SPNS2: variants seen among roughly 807,000 people sequenced by gnomAD.
The protein encoded by SPNS2 is SPNS lysolipid transporter 2, sphingosine-1-phosphate.
Under a neutral mutation model 57.6 loss-of-function variants are expected in SPNS2, and 37 were observed. The ratio of observed to expected loss-of-function variants is 0.64; its 90% CI spans 0.49 to 0.85. The LOEUF (loss-of-function observed/expected upper bound fraction) is 0.85, where lower values mean the gene tolerates loss of function less well. Ranked by LOEUF, SPNS2 falls within the 40% of genes least tolerant of loss-of-function variation. The pLI is 0.00. For synonymous variants in SPNS2, 440 were observed against 346.9 expected, an observed-to-expected ratio of 1.27 and a Z score of -2.98; for missense variants, 831 against 779.1, an observed-to-expected ratio of 1.07 and a Z score of -0.79.
intron 9 of SPNS2, among the ~76,000 whole-genome samples, chr17:4,534,826 G>A (rs1157709335): frequency 7.2e-5 from 11 of 152,144 alleles, no homozygotes; most frequent in African/African-American, 1.4e-4. Flanking sequence ...GGAGGAGTCC[G>A]TGCAGATTAA....
At chr17:4,529,234 C>T (rs975502339) in intron 3 of SPNS2, among the ~76,000 whole-genome samples, 7 of 151,774 alleles carry the variant, frequency 4.6e-5, no homozygotes, top group East Asian at 3.9e-4. Context: ...GCGCCTGGCC[C>T]GATTTTTATC....
At chr17:4,537,029 C>T (rs1325777081) in intron 12 of SPNS2, 83 bp downstream of exon 12, 2 of 1,452,520 alleles carry the variant, frequency 1.4e-6, no homozygotes, top group Non-Finnish European at 1.9e-6. Flanking sequence ...ACTTTTCCTC[C>T]AGAGTCACCT....
chr17:4,536,248 C>T lies in SPNS2; in HGVS notation c.1444-15C>T, dbSNP rs780988957. ...GGAGGGCTCTGCCCTGACATCCACC[C>T]CCAAATCCTCGCAGATCTCAGACCT... On this transcript the variant is annotated splice_polypyrimidine_tract_variant and intron_variant, in intron 10 of 12. Transcript: ENST00000329078. 10 of 1,610,776 alleles carry T rather than the reference C, an allele frequency of 6.2e-6. No homozygotes were observed. In the South Asian group the frequency reaches 6.6e-5, roughly 11 times the overall value.
At position 4,537,456 on chromosome 17, in the gene SPNS2, C is replaced by G; in HGVS notation, c.*8C>G. The stretch of plus-strand genomic sequence containing the variant: ...GACCTGACACCCCTTTCCCCAGGTG[C>G]CATTGGGACAATGAAGAACCCACAC... On this transcript the variant is annotated 3_prime_UTR_variant, in exon 13 of 13. Coordinates refer to ENST00000329078, the MANE Select transcript of SPNS2 (RefSeq NM_001124758.3). 2 of 451,436 alleles carry G rather than the reference C, an allele frequency of 4.4e-6. No individual in the cohort carries two copies. Among genetic ancestry groups the G allele is most frequent in the Non-Finnish European group, 9.0e-6 (2 of 222,916 alleles). The allele number at this position is 451,436 out of a possible 1,614,324, so 28.0% of individuals were successfully genotyped here. A position where few individuals can be genotyped will look rare whatever the true frequency, so the allele number is the denominator to read the frequency against.
chr17:4,535,238 G>C (rs549876100), intron 9 of SPNS2, among the ~76,000 whole-genome samples: 2 of 152,304 alleles, frequency 1.3e-5, no homozygotes, highest in South Asian at 4.1e-4. Flanking sequence ...GTTGGGGCCT[G>C]CTTGGTCTGA....
At chr17:4,533,568 C>G in intron 8 of SPNS2, 136 bp downstream of exon 8, 1 of 1,099,006 alleles carries the variant, frequency 9.1e-7, no homozygotes. Flanking sequence ...TGCCCCTGCT[C>G]ATCCCCAGCC....
chr17:4,517,628 C>G (rs994597965), intron 2 of SPNS2, among the ~76,000 whole-genome samples: 10 of 152,052 alleles, frequency 6.6e-5, no homozygotes, highest in Non-Finnish European at 1.3e-4. Context: ...TGCACTCCAG[C>G]CTGGGTAACA....
At position 4,536,962 on chromosome 17, in the gene SPNS2, G is replaced by A. The variant is rs376300343; in HGVS notation, c.*4+16G>A. 1 of 1,612,166 alleles carries A rather than the reference G, an allele frequency of 6.2e-7. No individual in the cohort carries two copies. Among genetic ancestry groups the A allele is most frequent in the South Asian group, 1.1e-5 (1 of 90,834 alleles). ...GTCTGAGGTGGTGAGTGCAGGCCGG[G>A]AGGCACGTGGGGGCTCCCTAAGGAA... is the stretch of plus-strand genomic sequence containing the variant. On this transcript the variant is annotated intron_variant, in intron 12 of 12. Transcript: ENST00000329078.
chr17:4,522,916 C>T (rs1905174421), intron 2 of SPNS2, among the ~76,000 whole-genome samples: 1 of 152,246 alleles, frequency 6.6e-6, no homozygotes, highest in African/African-American at 2.4e-5. Context: ...AGCCAGGTCA[C>T]GGCCTTTGTT....
intron 9 of SPNS2, among the ~76,000 whole-genome samples, chr17:4,534,070 G>A (rs1905637483): frequency 6.6e-6 from 1 of 152,202 alleles, no homozygotes; most frequent in Admixed American, 6.5e-5. Context: ...AGAGCACCAT[G>A]TGGAGACTGA....
At chr17:4,524,537 AGCC>A (rs1905217342) in intron 2 of SPNS2, among the ~76,000 whole-genome samples, 1 of 152,202 alleles carries the variant, frequency 6.6e-6, no homozygotes, top group Non-Finnish European at 1.5e-5. Context: ...TACAAGAATT[AGCC>A]AAGTGTGGTG....
intron 1 of SPNS2, 117 bp from the exon 2 acceptor site, chr17:4,513,130 A>T: frequency 8.9e-7 from 1 of 1,122,950 alleles, no homozygotes; most frequent in South Asian, 1.3e-5. Context: ...GCAGCAGAGC[A>T]GGAGTGCCGC....
At chr17:4,526,319 T>G (rs1415625369) in intron 3 of SPNS2, among the ~76,000 whole-genome samples, 4 of 152,088 alleles carry the variant, frequency 2.6e-5, no homozygotes, top group African/African-American at 4.8e-5. Context: ...GATTGAGGAT[T>G]GGGCCAGGTG....
chr17:4,521,810 A>G (rs1006541405), intron 2 of SPNS2, among the ~76,000 whole-genome samples: 7 of 152,236 alleles, frequency 4.6e-5, no homozygotes, highest in African/African-American at 1.7e-4. Context: ...AACACTGGAC[A>G]ATGGCGTGTC....
At position 4,538,806 on chromosome 17, in the gene SPNS2, T is replaced by G. The variant is rs1597374116; in HGVS notation, c.*1358T>G. 2.6e-6 allele frequency: 2 copies of G among 764,070 alleles called. No individual in the cohort carries two copies. Among genetic ancestry groups the G allele is most frequent in the East Asian group, 4.9e-5 (2 of 40,938 alleles). The allele number at this position is 764,070 out of a possible 1,614,324, so 47.3% of individuals were successfully genotyped here. On this transcript the variant is annotated 3_prime_UTR_variant, in exon 13 of 13. Coordinates refer to ENST00000329078, the MANE Select transcript of SPNS2 (RefSeq NM_001124758.3). ...CCGAGGGCCTGACAAGAGGATGGGG[T>G]GGGGGTGGCATCCTCCAAAGACCAG... is the stretch of plus-strand genomic sequence containing the variant.
chr17:4,536,087 C>G lies in SPNS2; in HGVS notation c.1356C>G (p.Ile452Met). Reference sequence around the variant, plus strand: ...CGCCTGTTCCGCAGTACGTGGTCATCCCCACGCGGCGCGCCACTGCCGTGG... The same window carrying G: ...CGCCTGTTCCGCAGTACGTGGTCATGCCCACGCGGCGCGCCACTGCCGTGG... ...ITADILMYVV[I>M]PTRRATAVAL... Residue 452 changes from isoleucine (I) to methionine (M), a missense_variant, in exon 10 of 13, where the codon ATC (isoleucine) becomes ATG (methionine). Physicochemically the swap from Ile to Met is conservative, Grantham distance 10. Transcript: ENST00000329078. 1.2e-6 allele frequency: 2 copies of G among 1,611,714 alleles called. No individual in the cohort carries two copies. The highest frequency in any genetic ancestry group is 1.7e-6 in the Non-Finnish European group (2 of 1,179,666).
chr17:4,538,140 G>C lies in SPNS2; in HGVS notation c.*692G>C. ...TGTTCTGACAAGCTGGCATCACCAG[G>C]GGTGAAGGCCCTGGCTGCAGCTGTA... On this transcript the variant is annotated 3_prime_UTR_variant, in exon 13 of 13. Transcript: ENST00000329078. The C allele has an allele frequency of 3.4e-6, 1 of 294,812 alleles. No homozygotes were observed. Among genetic ancestry groups the C allele is most frequent in the Non-Finnish European group, 6.7e-6 (1 of 148,980 alleles). 18.3% of individuals were successfully genotyped at this position (294,812 alleles called of 1,614,324 possible).
intron 3 of SPNS2, 114 bp from the exon 4 acceptor site, chr17:4,530,518 C>A: frequency 1.5e-6 from 2 of 1,300,934 alleles, no homozygotes; most frequent in Non-Finnish European, 2.1e-6. Flanking sequence ...GCACCCTCAC[C>A]CTTCTCTCCC....
At position 4,499,960 on chromosome 17, in the gene SPNS2, G is replaced by T. The variant is rs957412600; in HGVS notation, c.370+543G>T. 6.6e-6 allele frequency among the ~76,000 whole-genome samples: 1 copy of T among 152,176 alleles called. No individual in the cohort carries two copies. Among genetic ancestry groups the T allele is most frequent in the South Asian group, 2.1e-4 (1 of 4,836 alleles). The stretch of plus-strand genomic sequence containing the variant: ...TGTGCGCGTGGCGGCGCGGTTGTGT[G>T]TGAGCGCGTGGCTGACAAAGGCTCC... On this transcript the variant is annotated intron_variant, in intron 1 of 12. Coordinates refer to ENST00000329078, the MANE Select transcript of SPNS2 (RefSeq NM_001124758.3). This position sits in a 1 kb window ranked among gnomAD's most constrained non-coding sequence, Gnocchi z 5.2.
Sources: allele counts gnomAD v4.1 joint callset (sites outside exome capture counted in the v4.1 genomes callset), GRCh38; gene constraint gnomAD v4.1.1; non-coding constraint Gnocchi (gnomAD v3.1); transcripts MANE v1.5; gene names NCBI Gene and HGNC (gene_info 2026-07-23, HGNC 2026-07-21).